Variants in ZNF789 observed in about 807,000 individuals in gnomAD.
ZNF789 encodes zinc finger protein 789.
A neutral mutation model predicts 15.6 loss-of-function variants in ZNF789; 11 were observed. The ratio of observed to expected loss-of-function variants is 0.70; its 90% CI spans 0.44 to 1.16. The LOEUF (loss-of-function observed/expected upper bound fraction) is 1.16. ZNF789 is among the 50% of genes most tolerant of loss of function. The pLI is 0.00. For synonymous variants in ZNF789, 159 were observed against 176.0 expected (o/e 0.90, Z 0.76); for missense variants, 461 against 512.6 (o/e 0.90, Z 0.97).
At chr7:99,473,514 G>T (rs1291021223) in intron 1 of ZNF789, among the ~76,000 whole-genome samples, 1 of 152,274 alleles carries the variant, frequency 6.6e-6, no homozygotes, top group South Asian at 2.1e-4. Context: ...AGGGTAAGTC[G>T]AGCTGGATCA....
In ZNF789 at chr7:99,486,869, A is replaced by C; in HGVS notation, c.659A>C (p.Gln220Pro). 1 of 1,614,244 alleles carries C rather than the reference A, an allele frequency of 6.2e-7. No individual in the cohort carries two copies. The highest frequency in any genetic ancestry group is 1.1e-5 in the South Asian group (1 of 91,086). ...CGTAAGGCATGGTTTGATCAACATCAAAGAATTCACTTTTTAGAGAATCCT... is the reference window on the plus strand; with the variant it reads ...CGTAAGGCATGGTTTGATCAACATCCAAGAATTCACTTTTTAGAGAATCCT... Reference protein sequence around the residue: ...IRRKAWFDQHQRIHFLENPFE... With the variant: ...IRRKAWFDQHPRIHFLENPFE... The change falls in exon 5 of 5, where the codon CAA becomes CCA. Residue 220 changes from glutamine to proline, a missense_variant. Transcript: ENST00000331410.
chr7:99,477,462 T>A (rs1799396226), intron 2 of ZNF789, among the ~76,000 whole-genome samples: 1 of 152,094 alleles, frequency 6.6e-6, no homozygotes, highest in Admixed American at 6.6e-5. Context: ...CACCTCAGCC[T>A]CCCAAGTAGT....
chr7:99,478,998 C>G (rs555084710), intron 2 of ZNF789: 1 of 152,570 alleles, frequency 6.6e-6, no homozygotes, highest in Non-Finnish European at 1.5e-5. Flanking sequence ...GGTCTTGCTC[C>G]CCTTCCAGCA....
intron 2 of ZNF789, chr7:99,479,413 G>A (rs1368753145): frequency 5.5e-6 from 2 of 361,434 alleles, no homozygotes; most frequent in Non-Finnish European, 9.8e-6. Context: ...CAGAGGGCCT[G>A]AAAAGCCTAA....
chr7:99,482,017 T>C, intron 3 of ZNF789: 1 of 636,274 alleles, frequency 1.6e-6, no homozygotes, highest in Non-Finnish European at 2.8e-6. Context: ...TTTCGGATTT[T>C]TCTTTTTTGG....
chr7:99,476,182 G>C (rs1187204240), intron 1 of ZNF789: 2 of 463,482 alleles, frequency 4.3e-6, no homozygotes, highest in South Asian at 5.2e-5. Flanking sequence ...TAGGGAGAAG[G>C]GGAGGGCAGG....
In ZNF789 at chr7:99,478,598, G is replaced by A. The variant is rs1020121609; in HGVS notation, c.25-1063G>A. On this transcript the variant is annotated intron_variant, in intron 2 of 4. Transcript: ENST00000331410. ...ATGCAGTGTCTTGTGAGAGCAAGGA[G>A]TGTGTAGACAGCCGCTGGGCCCCTT... 35 of 355,400 alleles carry A rather than the reference G, an allele frequency of 9.8e-5. No individual in the cohort carries two copies. The East Asian group carries it at 2.5e-3, about 25-fold the overall frequency. The allele number at this position is 355,400 out of a possible 1,614,324, so 22.0% of individuals were successfully genotyped here. A position where few individuals can be genotyped will look rare whatever the true frequency, so the allele number is the denominator to read the frequency against.
intron 2 of ZNF789, 45 bp downstream of exon 2, chr7:99,476,525 A>T (rs1799341780): frequency 6.2e-7 from 1 of 1,606,838 alleles, no homozygotes; most frequent in South Asian, 1.1e-5. Flanking sequence ...AGTCACTGCC[A>T]CCAGCAGCTC....
chr7:99,485,159 G>C lies in ZNF789; in HGVS notation c.265+1016G>C, dbSNP rs541260583. 1.8e-5 allele frequency: 27 copies of C among 1,533,512 alleles called. No homozygotes were observed. In the African/African-American group the frequency reaches 3.3e-4, roughly 19 times the overall value. The allele number at this position is 1,533,512 out of a possible 1,614,324, so 95.0% of individuals were successfully genotyped here. On this transcript the variant is annotated intron_variant, in intron 4 of 4. Transcript: ENST00000331410. The stretch of plus-strand genomic sequence containing the variant: ...TTTGTTTTGTTTTCATATTACTCCC[G>C]TATTTCCTGACATATCTGCATTTTT...
chr7:99,483,912 A>T, intron 3 of ZNF789, 118 bp from the exon 4 acceptor site: 2 of 838,574 alleles, frequency 2.4e-6, no homozygotes, highest in Non-Finnish European at 4.2e-6. Flanking sequence ...AGATTGTGCC[A>T]ATCTCTATTC....
At chr7:99,486,363 A>G (rs1799950692) in intron 4 of ZNF789, 113 bp from the exon 5 acceptor site, 1 of 1,081,572 alleles carries the variant, frequency 9.2e-7, no homozygotes, top group Admixed American at 2.9e-5. Context: ...GATGTAAACG[A>G]GATCACTTCT....
rs73403243 is a variant in ZNF789 at position 99,479,538 on chromosome 7, T to C, written c.25-123T>C. The C allele has an allele frequency of 1.3e-3, 1,599 of 1,222,866 alleles. 17 individuals are homozygous for C. The African/African-American group carries it at 0.023, about 17-fold the overall frequency. 75.8% of individuals were successfully genotyped at this position (1,222,866 alleles called of 1,614,324 possible). On this transcript the variant is annotated intron_variant, in intron 2 of 4. Transcript: ENST00000331410. ...TGAAAGGAGCCCTGAATATATTCCT[T>C]ATGAATTGGGTGCCCTTGGCCCACA...
At position 99,487,507 on chromosome 7, in the gene ZNF789, C is replaced by A; in HGVS notation, c.*19C>A. The stretch of plus-strand genomic sequence containing the variant: ...CACATGATGTTAATTGGAAAGCAGT[C>A]ATTGGAGAACTAGAACTTATAAACC... On this transcript the variant is annotated 3_prime_UTR_variant, in exon 5 of 5. Transcript: ENST00000331410. 6.3e-7 allele frequency: 1 copy of A among 1,594,294 alleles called. No individual in the cohort carries two copies. The highest frequency in any genetic ancestry group is 1.1e-5 in the South Asian group (1 of 88,282).
At chr7:99,478,194 T>G in intron 2 of ZNF789, 7 of 977,334 alleles carry the variant, frequency 7.2e-6, no homozygotes, top group Non-Finnish European at 9.7e-6. Context: ...CTATTGTGGA[T>G]GTTAGGAGAG....
In ZNF789 at chr7:99,486,655, G is replaced by T. The variant is rs758966944; in HGVS notation, c.445G>T (p.Glu149Ter). 3 of 1,614,190 alleles carry T rather than the reference G, an allele frequency of 1.9e-6. No individual in the cohort carries two copies. In the Admixed American group the frequency reaches 5.0e-5, roughly 27 times the overall value. The stretch of plus-strand genomic sequence containing the variant: ...GCTTACTTTCCCTACTAGTGGTGAT[G>T]AATACAGCAGGGGCTTCCTTCAAAA... ...CRLTFPTSGD[E>*]YSRGFLQNLN... is the part of the protein sequence containing the mutation. Residue 149 changes from glutamate (E) to a stop codon, truncating the protein, a stop_gained, in exon 5 of 5, where the codon GAA (glutamate) becomes TAA (stop). Transcript: ENST00000331410. LOFTEE classifies it low-confidence loss of function (END_TRUNC).
In ZNF789 at chr7:99,486,866, A is replaced by G. The variant is rs1799983848; in HGVS notation, c.656A>G (p.His219Arg). 6.2e-7 allele frequency: 1 copy of G among 1,614,234 alleles called. No individual in the cohort carries two copies. Among genetic ancestry groups the G allele is most frequent in the Non-Finnish European group, 8.5e-7 (1 of 1,180,042 alleles). ...VIRRKAWFDQ[H>R]QRIHFLENPF... ...AGGCGTAAGGCATGGTTTGATCAACATCAAAGAATTCACTTTTTAGAGAAT... is the reference window on the plus strand; with the variant it reads ...AGGCGTAAGGCATGGTTTGATCAACGTCAAAGAATTCACTTTTTAGAGAAT... The change falls in exon 5 of 5, where the codon CAT becomes CGT. Residue 219 changes from histidine to arginine, a missense_variant. By Grantham distance (29) the His-to-Arg change is conservative. Coordinates refer to ENST00000331410, the MANE Select transcript of ZNF789 (RefSeq NM_213603.3).
chr7:99,487,447 A>G lies in ZNF789; in HGVS notation c.1237A>G (p.Ile413Val). The G allele has an allele frequency of 6.2e-7, 1 of 1,614,210 alleles. No individual in the cohort carries two copies. Among genetic ancestry groups the G allele is most frequent in the Non-Finnish European group, 8.5e-7 (1 of 1,180,006 alleles). ...GKSFKWHTSF[I>V]KHQGTHKGQI... ...ATCTTTCAAGTGGCACACAAGCTTT[A>G]TTAAGCACCAGGGCACTCACAAAGG... Residue 413 changes from isoleucine (I) to valine (V), a missense_variant, in exon 5 of 5, where the codon ATT (isoleucine) becomes GTT (valine). Ile to Val is a conservative substitution (Grantham distance 29). Coordinates refer to ENST00000331410, the MANE Select transcript of ZNF789 (RefSeq NM_213603.3).
rs760656681 is a variant in ZNF789, at chr7:99,487,089, GT to G, written c.882del (p.Phe294LeufsTer12). ...ATAAATGTAGCAAATGTGAAAAAACGTTTAGTCAGAATTCAACCCTTATTCG... is the reference window on the plus strand; with the variant it reads ...ATAAATGTAGCAAATGTGAAAAAACGTTAGTCAGAATTCAACCCTTATTCG... Reference protein sequence around the residue: ...PYKCSKCEKTFSQNSTLIRHQ... With the variant: ...PYKCSKCEKTXSQNSTLIRHQ... On this transcript the variant is annotated frameshift_variant, in exon 5 of 5. Coordinates refer to ENST00000331410, the MANE Select transcript of ZNF789 (RefSeq NM_213603.3). LOFTEE classifies it low-confidence loss of function (END_TRUNC). The G allele has an allele frequency of 6.2e-7, 1 of 1,614,088 alleles. No homozygotes were observed. The highest frequency in any genetic ancestry group is 8.5e-7 in the Non-Finnish European group (1 of 1,180,032).
In ZNF789 at chr7:99,479,974, C is replaced by T. The variant is rs116905165; in HGVS notation, c.151+187C>T. 1.8e-3 allele frequency: 1,269 copies of T among 699,836 alleles called. 2 individuals carry two copies. Among genetic ancestry groups the T allele is most frequent in the Middle Eastern group, 7.7e-3 (19 of 2,478 alleles). The allele number at this position is 699,836 out of a possible 1,614,324, so 43.4% of individuals were successfully genotyped here. On this transcript the variant is annotated intron_variant, in intron 3 of 4. Coordinates refer to ENST00000331410, the MANE Select transcript of ZNF789 (RefSeq NM_213603.3). ...AAACCTGACTTCATCCTATAGGAAA[C>T]CATTTATTGTCTTTATTTTTCCAAC...
Sources: allele counts gnomAD v4.1 joint callset (sites outside exome capture counted in the v4.1 genomes callset), GRCh38; gene constraint gnomAD v4.1.1; transcripts MANE v1.5; gene names NCBI Gene and HGNC (gene_info 2026-07-23, HGNC 2026-07-21).